The following GLP2R variants were observed in gnomAD, a reference collection of about 807,000 sequenced individuals.
The protein encoded by GLP2R is glucagon like peptide 2 receptor.
A neutral mutation model predicts 68.2 loss-of-function variants in GLP2R; 59 were observed. The observed-to-expected ratio is 0.87, with a 90% CI of 0.70 to 1.07. The LOEUF is 1.07. GLP2R is among the 50% of genes least tolerant of loss of function. The pLI is 0.00. For missense variants in GLP2R, 548 were observed against 677.4 expected (o/e 0.81, Z 2.12); for synonymous variants, 270 against 265.4 (o/e 1.02, Z -0.17).
At chr17:9,872,611 G>T (rs1031579654) in intron 10 of GLP2R, among the ~76,000 whole-genome samples, 2 of 152,206 alleles carry the variant, frequency 1.3e-5, no homozygotes, top group African/African-American at 4.8e-5. Flanking sequence ...TGTACACGAT[G>T]TAGACCCTGC....
At chr17:9,881,378 CT>C (rs35526930) in intron 11 of GLP2R, among the ~76,000 whole-genome samples, 15,988 of 95,486 alleles carry the variant, frequency 0.17, 1,142 homozygotes, top group African/African-American at 0.34. Flanking sequence ...GCTGTCAGGC[CT>C]TTTTTTTTTT....
intron 6 of GLP2R, among the ~76,000 whole-genome samples, chr17:9,858,750 A>G (rs1258552111): frequency 2.6e-5 from 4 of 152,170 alleles, no homozygotes; most frequent in African/African-American, 9.7e-5. Flanking sequence ...ATTTATTGGC[A>G]TAATATTGTT....
chr17:9,883,203 C>T (rs62067563), intron 11 of GLP2R, among the ~76,000 whole-genome samples: 40,588 of 151,948 alleles, frequency 0.27, 5,775 homozygotes, highest in Non-Finnish European at 0.31. Flanking sequence ...TGGAGTTGAA[C>T]ACTACAATAA....
intron 3 of GLP2R, among the ~76,000 whole-genome samples, chr17:9,836,796 C>A (rs567253449): frequency 6.6e-6 from 1 of 151,796 alleles, no homozygotes; most frequent in South Asian, 2.1e-4. Flanking sequence ...AATTACACTC[C>A]TTAGTTATTT....
At chr17:9,868,977 T>C (rs1393571978) in intron 9 of GLP2R, among the ~76,000 whole-genome samples, 1 of 152,200 alleles carries the variant, frequency 6.6e-6, no homozygotes, top group Non-Finnish European at 1.5e-5. Context: ...CTTGATTACA[T>C]TTACCTTGTA....
At chr17:9,832,293 G>A (rs1281246282) in intron 1 of GLP2R, among the ~76,000 whole-genome samples, 4 of 152,036 alleles carry the variant, frequency 2.6e-5, no homozygotes. Flanking sequence ...CAAAAATGAG[G>A]GCCCAGTGCA....
chr17:9,841,827 C>T (rs890161931), intron 3 of GLP2R, among the ~76,000 whole-genome samples: 5 of 152,184 alleles, frequency 3.3e-5, no homozygotes, highest in Non-Finnish European at 5.9e-5. Flanking sequence ...TTCGACTTCT[C>T]GTTTGCAAGC....
chr17:9,863,722 G>A (rs970828224), intron 9 of GLP2R, among the ~76,000 whole-genome samples: 1 of 152,056 alleles, frequency 6.6e-6, no homozygotes, highest in African/African-American at 2.4e-5. Flanking sequence ...CTCACCTCAC[G>A]AAGTGAAAAT....
chr17:9,850,992 G>A (rs554118751), intron 4 of GLP2R, among the ~76,000 whole-genome samples: 175 of 152,200 alleles, frequency 1.1e-3, no homozygotes, highest in Middle Eastern at 3.4e-3. Flanking sequence ...ACCATGCCCA[G>A]CTGATTTTTT....
intron 2 of GLP2R, among the ~76,000 whole-genome samples, chr17:9,834,242 C>T (rs1319706065): frequency 1.3e-5 from 2 of 152,124 alleles, no homozygotes; most frequent in African/African-American, 2.4e-5. Flanking sequence ...TCTACTCAGG[C>T]TAACAGTACA....
Position 9,870,654 on chromosome 17 carries a change from G to A in GLP2R, c.1057-93G>A, listed in dbSNP as rs981267326. 6 of 735,922 alleles carry A rather than the reference G, an allele frequency of 8.2e-6. No homozygotes were observed. The African/African-American group carries it at 1.0e-4, about 13-fold the overall frequency. The allele number at this position is 735,922 out of a possible 1,614,324, so 45.6% of individuals were successfully genotyped here. A position where few individuals can be genotyped will look rare whatever the true frequency, so the allele number is the denominator to read the frequency against. ...AATTGCCCCTGGTTTACATTGAACT[G>A]ATGGAACTGATGGCCGAGCCCAGCC... is the stretch of plus-strand genomic sequence containing the variant. On this transcript the variant is annotated intron_variant, in intron 9 of 12. Transcript: ENST00000262441.
At chr17:9,844,313 C>T (rs942025997) in intron 4 of GLP2R, among the ~76,000 whole-genome samples, 1 of 152,140 alleles carries the variant, frequency 6.6e-6, no homozygotes, top group East Asian at 1.9e-4. Flanking sequence ...TTTGTCCTGG[C>T]AGATTGGAGA....
At chr17:9,847,138 C>G (rs1368081408) in intron 4 of GLP2R, among the ~76,000 whole-genome samples, 1 of 152,140 alleles carries the variant, frequency 6.6e-6, no homozygotes, top group Non-Finnish European at 1.5e-5. Context: ...CATGCAGATA[C>G]AACAGCAAAA....
chr17:9,843,840 C>G (rs747431028), intron 4 of GLP2R, among the ~76,000 whole-genome samples: 6 of 152,170 alleles, frequency 3.9e-5, no homozygotes, highest in Non-Finnish European at 5.9e-5. Context: ...GAAGCATATA[C>G]GATGGGTTAG....
chr17:9,862,050 T>G lies in GLP2R; in HGVS notation c.1016T>G (p.Ile339Ser), dbSNP rs1361701890. 24 of 1,613,650 alleles carry G rather than the reference T, an allele frequency of 1.5e-5. No individual in the cohort carries two copies. The Admixed American group carries it at 1.7e-4, about 11-fold the overall frequency. The change falls in exon 9 of 13, where the codon ATC (isoleucine) becomes AGC (serine). Residue 339 changes from isoleucine (I) to serine (S), a missense_variant. By Grantham distance (142) the Ile-to-Ser change is moderately radical. Coordinates refer to ENST00000262441, the MANE Select transcript of GLP2R (RefSeq NM_004246.3). The stretch of plus-strand genomic sequence containing the variant: ...TGGACAACAAATGGGAATAAGAAAA[T>G]CTGGTGGATCATCCGAGGACCCATG... ...GCWTTNGNKK[I>S]WWIIRGPMML... is the part of the protein sequence containing the mutation.
intron 10 of GLP2R, among the ~76,000 whole-genome samples, chr17:9,877,222 C>T (rs1360427338): frequency 6.6e-6 from 1 of 152,092 alleles, no homozygotes; most frequent in African/African-American, 2.4e-5. Flanking sequence ...ATAAATGGAA[C>T]CATTTAAATA....
intron 7 of GLP2R, 80 bp from the exon 8 acceptor site, chr17:9,861,059 T>C (rs1049967165): frequency 2.1e-6 from 2 of 949,844 alleles, no homozygotes; most frequent in Admixed American, 3.4e-5. Context: ...CACCTGTGGT[T>C]AGCCTCATCC....
At chr17:9,858,393 C>T (rs1049971283) in intron 6 of GLP2R, among the ~76,000 whole-genome samples, 1 of 152,206 alleles carries the variant, frequency 6.6e-6, no homozygotes, top group Admixed American at 6.5e-5. Context: ...CTTTAGTTCG[C>T]TAATACTGTG....
intron 9 of GLP2R, chr17:9,866,667 A>G (rs1023536389): frequency 6.6e-6 from 1 of 152,166 alleles, no homozygotes; most frequent in Non-Finnish European, 1.5e-5. Flanking sequence ...TTCATTGAGC[A>G]CCTTCACTGG....
Sources: allele counts gnomAD v4.1 joint callset (sites outside exome capture counted in the v4.1 genomes callset), GRCh38; gene constraint gnomAD v4.1.1; transcripts MANE v1.5; gene names NCBI Gene and HGNC (gene_info 2026-07-23, HGNC 2026-07-21).